The following SGCD variants were observed in gnomAD, a reference collection of about 807,000 sequenced individuals.
SGCD encodes sarcoglycan delta, also known as delta-sarcoglycan.
SGCD carries 18 observed loss-of-function variants against 36.6 expected under a neutral mutation model. The observed-to-expected ratio is 0.49, with a 90% CI of 0.34 to 0.73. The LOEUF (loss-of-function observed/expected upper bound fraction) is 0.73, where lower values mean the gene tolerates loss of function less well. SGCD is among the 30% of genes least tolerant of loss of function. The pLI, the probability that SGCD is intolerant of heterozygous loss-of-function variation, is 0.01. For synonymous variants in SGCD, 133 were observed against 130.6 expected, an observed-to-expected ratio of 1.02 and a Z score of -0.12; for missense variants, 387 against 346.7, an observed-to-expected ratio of 1.12 and a Z score of -0.92.
intron 1 of SGCD, among the ~76,000 whole-genome samples, chr5:156,086,125 G>A (rs887795866): frequency 5.9e-5 from 9 of 152,176 alleles, no homozygotes; most frequent in South Asian, 2.1e-4. Flanking sequence ...GGCAAGGTAC[G>A]AAAACCTCTA....
intron 3 of SGCD, among the ~76,000 whole-genome samples, chr5:156,231,498 T>C (rs1007484723): frequency 9.9e-5 from 15 of 152,248 alleles, no homozygotes; most frequent in African/African-American, 3.6e-4. Context: ...ATCGCCCCAC[T>C]GCACTCTATC....
At chr5:155,984,349 G>C (rs949321247) in intron 1 of SGCD, among the ~76,000 whole-genome samples, 5 of 152,050 alleles carry the variant, frequency 3.3e-5, no homozygotes, top group Admixed American at 3.3e-4. Flanking sequence ...TCCTAAATCT[G>C]TTCGTGATCT....
At chr5:155,765,076 C>T in the SGCD span, among the ~76,000 whole-genome samples, 4 of 151,794 alleles carry the variant, frequency 2.6e-5, no homozygotes, top group Non-Finnish European at 5.9e-5. Context: ...GCCAGTAGCT[C>T]AAGACCAGCC....
chr5:156,207,378 A>C (rs1764308640), intron 3 of SGCD, among the ~76,000 whole-genome samples: 1 of 152,266 alleles, frequency 6.6e-6, no homozygotes, highest in African/African-American at 2.4e-5. Flanking sequence ...CTGGACCTCA[A>C]TTTTTCAAAC....
chr5:156,086,126 A>G (rs749956658), intron 1 of SGCD, among the ~76,000 whole-genome samples: 1 of 152,262 alleles, frequency 6.6e-6, no homozygotes, highest in Non-Finnish European at 1.5e-5. Flanking sequence ...GCAAGGTACG[A>G]AAACCTCTAT....
chr5:156,117,405 A>G (rs1761930107), intron 1 of SGCD, among the ~76,000 whole-genome samples: 1 of 152,100 alleles, frequency 6.6e-6, no homozygotes, highest in Non-Finnish European at 1.5e-5. Context: ...ACTTCAACCC[A>G]GCTCTCAAGG....
intron 3 of SGCD, among the ~76,000 whole-genome samples, chr5:156,267,304 T>C (rs1033332047): frequency 6.6e-6 from 1 of 152,218 alleles, no homozygotes; most frequent in East Asian, 1.9e-4. Flanking sequence ...TTAAAATCTC[T>C]TTATCACTTG....
chr5:155,841,850 C>T, the SGCD span, among the ~76,000 whole-genome samples: 1 of 152,096 alleles, frequency 6.6e-6, no homozygotes, highest in African/African-American at 2.4e-5. Flanking sequence ...TTATTTCTGT[C>T]CCATTCCCTC....
intron 4 of SGCD, among the ~76,000 whole-genome samples, chr5:156,576,281 T>C (rs1239554482): frequency 1.3e-5 from 2 of 152,188 alleles, no homozygotes; most frequent in Non-Finnish European, 2.9e-5. Context: ...TACATAGTAT[T>C]CCATGGTGTA....
At chr5:156,521,585 T>G (rs911450956) in intron 4 of SGCD, among the ~76,000 whole-genome samples, 3 of 152,028 alleles carry the variant, frequency 2.0e-5, no homozygotes, top group Non-Finnish European at 2.9e-5. Context: ...CGCCAACAAA[T>G]GTATAAAAAA....
At chr5:156,612,351 A>G (rs1460197122) in intron 6 of SGCD, among the ~76,000 whole-genome samples, 1 of 152,246 alleles carries the variant, frequency 6.6e-6, no homozygotes, top group African/African-American at 2.4e-5. Flanking sequence ...TGTCAGTGAT[A>G]GCTGTGATTA....
intron 1 of SGCD, among the ~76,000 whole-genome samples, chr5:156,037,709 C>G (rs747851843): frequency 6.6e-6 from 1 of 152,130 alleles, no homozygotes; most frequent in Non-Finnish European, 1.5e-5. Context: ...AAAGAACAAA[C>G]AGTGAGGTCT....
intron 3 of SGCD, among the ~76,000 whole-genome samples, chr5:156,404,304 C>T (rs1488979446): frequency 6.6e-6 from 1 of 152,214 alleles, no homozygotes; most frequent in Non-Finnish European, 1.5e-5. Flanking sequence ...CTCAATACTT[C>T]TTCATATTTG....
chr5:156,730,396 C>T (rs570226309), intron 7 of SGCD, among the ~76,000 whole-genome samples: 2 of 152,206 alleles, frequency 1.3e-5, no homozygotes, highest in East Asian at 1.9e-4. Flanking sequence ...CCAAAATGCC[C>T]CAGTGCATGT....
At chr5:156,016,494 A>G (rs1337697100) in intron 1 of SGCD, among the ~76,000 whole-genome samples, 2 of 152,200 alleles carry the variant, frequency 1.3e-5, no homozygotes, top group South Asian at 2.1e-4. Flanking sequence ...CCCATCCCTT[A>G]TCTTTTCCAA....
rs538789499 is a variant in SGCD at position 156,577,786 on chromosome 5, A to C, written c.295-11445A>C. Among the ~76,000 whole-genome samples the C allele has an allele frequency of 2.0e-5, 3 of 152,332 alleles. No individual in the cohort carries two copies. The South Asian group carries it at 6.2e-4, about 32-fold the overall frequency. On this transcript the variant is annotated intron_variant, in intron 4 of 8. Transcript: ENST00000337851. ...AATTTTGTATCCTGAGACTTTGCTG[A>C]AGTTGCTTATCAGCTTAAGGAGATT...
intron 1 of SGCD, among the ~76,000 whole-genome samples, chr5:155,994,661 T>C (rs1758502727): frequency 6.6e-6 from 1 of 152,198 alleles, no homozygotes; most frequent in South Asian, 2.1e-4. Flanking sequence ...TAATCAATAA[T>C]TGTTTCCCCA....
intron 3 of SGCD, among the ~76,000 whole-genome samples, chr5:156,168,444 G>T (rs74971258): frequency 0.014 from 2,187 of 152,158 alleles, 25 homozygotes; most frequent in Non-Finnish European, 0.024. Flanking sequence ...GTGTAGTGGT[G>T]CTCACCTGTA....
At chr5:156,526,703 A>G (rs1465585067) in intron 4 of SGCD, among the ~76,000 whole-genome samples, 1 of 152,192 alleles carries the variant, frequency 6.6e-6, no homozygotes, top group Non-Finnish European at 1.5e-5. Flanking sequence ...TTTTCCTCTT[A>G]TAACTTATTG....
Sources: allele counts gnomAD v4.1 joint callset (sites outside exome capture counted in the v4.1 genomes callset), GRCh38; gene constraint gnomAD v4.1.1; transcripts MANE v1.5; gene names NCBI Gene and HGNC (gene_info 2026-07-23, HGNC 2026-07-21).